The following GSTA2 variants were observed in gnomAD, a reference collection of about 807,000 sequenced individuals.
GSTA2 encodes glutathione S-transferase alpha 2.
In GSTA2, 27 loss-of-function variants were observed where a neutral mutation model predicts 22.4. The ratio of observed to expected loss-of-function variants is 1.21; its 90% CI spans 0.89 to 1.67. The LOEUF is 1.67. Among genes scored for constraint, GSTA2 ranks in the 40% most tolerant of loss-of-function variants. GSTA2 has a pLI of 0.00. For missense variants in GSTA2, 302 were observed against 260.2 expected, an observed-to-expected ratio of 1.16 and a Z score of -1.11; for synonymous variants, 121 against 86.8, an observed-to-expected ratio of 1.39 and a Z score of -2.19.
intron 1 of GSTA2, among the ~76,000 whole-genome samples, chr6:52,758,265 G>T (rs1044207979): frequency 6.6e-6 from 1 of 152,140 alleles, no homozygotes; most frequent in Non-Finnish European, 1.5e-5. Context: ...AGGAGTTAAT[G>T]GGAAGAGGAA....
rs781782570 is a variant in GSTA2 at position 52,755,018 on chromosome 6, A to C, written c.197T>G (p.Val66Gly). 1 of 1,614,120 alleles carries C rather than the reference A, an allele frequency of 6.2e-7. No individual in the cohort carries two copies. Among genetic ancestry groups the C allele is most frequent in the East Asian group, 2.2e-5 (1 of 44,880 alleles). ...PMVEIDGMKLVQTRAILNYIA... is the reference protein window; with the variant it reads ...PMVEIDGMKLGQTRAILNYIA... ...GTAGTTGAGAATGGCTCTGGTCTGC[A>C]CCAGCTTCATCCCATCAATCTCAAC... Residue 66 changes from valine (V) to glycine (G), a missense_variant, in exon 4 of 7, where the codon GTG (valine) becomes GGG (glycine). Physicochemically the swap from Val to Gly is moderately radical, Grantham distance 109 (BLOSUM62 -3). Coordinates refer to ENST00000493422, the MANE Select transcript of GSTA2 (RefSeq NM_000846.5).
Position 52,756,301 on chromosome 6 carries a change from C to A in GSTA2, c.96G>T (p.Glu32Asp). 6.2e-7 allele frequency: 1 copy of A among 1,601,774 alleles called. No homozygotes were observed. The highest frequency in any genetic ancestry group is 2.2e-5 in the East Asian group (1 of 44,786). ...AATCTTCTGCAGATTTTATAAATTT[C>A]TCTTCAAACTGGAAGCAGAAACAGT... ...LLAAAGVEFE[E>D]KFIKSAEDLD... is the part of the protein sequence containing the mutation. Residue 32 changes from glutamate to aspartate, a missense_variant, in exon 3 of 7, where the codon GAG becomes GAT. Transcript: ENST00000493422.
At chr6:52,752,630 G>A (rs1762764026) in intron 5 of GSTA2, among the ~76,000 whole-genome samples, 1 of 152,068 alleles carries the variant, frequency 6.6e-6, no homozygotes, top group Non-Finnish European at 1.5e-5. Flanking sequence ...TCCATATTGG[G>A]GTTCAGTAAA....
At chr6:52,756,548 T>G (rs1431255596) in intron 2 of GSTA2, among the ~76,000 whole-genome samples, 1 of 152,188 alleles carries the variant, frequency 6.6e-6, no homozygotes, top group African/African-American at 2.4e-5. Context: ...CACCTTGATA[T>G]GAATGTCTAT....
intron 1 of GSTA2, among the ~76,000 whole-genome samples, chr6:52,758,493 T>A (rs972706034): frequency 1.3e-5 from 2 of 152,074 alleles, no homozygotes; most frequent in African/African-American, 4.8e-5. Context: ...TAAAATGAAA[T>A]CATGCCTGGA....
At chr6:52,754,641 A>G (rs1188359010) in intron 4 of GSTA2, among the ~76,000 whole-genome samples, 1 of 152,080 alleles carries the variant, frequency 6.6e-6, no homozygotes, top group Non-Finnish European at 1.5e-5. Flanking sequence ...TGAAGTCCTG[A>G]GCACCTGGAA....
intron 1 of GSTA2, among the ~76,000 whole-genome samples, chr6:52,759,563 GTTTTTT>G (rs70977382): frequency 1.8e-4 from 6 of 34,194 alleles, no homozygotes; most frequent in African/African-American, 5.2e-4. Context: ...GTATTTATTT[GTTTTTT>G]TTTTTTTTTT....
chr6:52,757,548 T>G (rs1301277171), intron 2 of GSTA2, among the ~76,000 whole-genome samples: 1 of 152,196 alleles, frequency 6.6e-6, no homozygotes, highest in African/African-American at 2.4e-5. Flanking sequence ...TCCTCAAATA[T>G]TCAATCGATA....
intron 2 of GSTA2, among the ~76,000 whole-genome samples, chr6:52,757,329 C>T (rs1299434286): frequency 7.6e-6 from 1 of 131,564 alleles, no homozygotes; most frequent in Non-Finnish European, 1.6e-5. Context: ...TTATACTTCT[C>T]ACCTAGAATC....
In GSTA2 at chr6:52,757,867, T is replaced by C. The variant is rs201154224; in HGVS notation, c.81A>G (p.Gly27=). The C allele has an allele frequency of 3.7e-6, 6 of 1,613,010 alleles. No homozygotes were observed. In the Admixed American group the frequency reaches 1.0e-4, roughly 27 times the overall value. The change falls in exon 2 of 7, where the codon GGA becomes GGG. Residue 27 remains glycine (G), a synonymous_variant. Coordinates refer to ENST00000493422, the MANE Select transcript of GSTA2 (RefSeq NM_000846.5). ...GACCTAACTCAGAACCTACCTCTACTCCAGCTGCAGCCAGGAGCCACCGGA... is the reference window on the plus strand; with the variant it reads ...GACCTAACTCAGAACCTACCTCTACCCCAGCTGCAGCCAGGAGCCACCGGA... ...ESIRWLLAAA[G]VEFEEKFIKS...
At position 52,751,602 on chromosome 6, in the gene GSTA2, A is replaced by C. The variant is rs1471027011; in HGVS notation, c.521T>G (p.Leu174Arg). The C allele has an allele frequency of 6.8e-6, 11 of 1,613,992 alleles. No individual in the cohort carries two copies. Among genetic ancestry groups the C allele is most frequent in the East Asian group, 2.2e-5 (1 of 44,878 alleles). ...CTTCAGCAGAGGGAAGCTGGAAATA[A>C]GGCTAGAGTCAAGCTCTTCCACGTA... ...LYYVEELDSS[L>R]ISSFPLLKAL... Residue 174 changes from leucine (L) to arginine (R), a missense_variant, in exon 6 of 7, where the codon CTT becomes CGT. Coordinates refer to ENST00000493422, the MANE Select transcript of GSTA2 (RefSeq NM_000846.5).
chr6:52,761,960 C>A (rs1408923700), intron 1 of GSTA2, among the ~76,000 whole-genome samples: 1 of 150,522 alleles, frequency 6.6e-6, no homozygotes, highest in Non-Finnish European at 1.5e-5. Context: ...TGTAACCCTA[C>A]CCCCAGCCCT....
At chr6:52,761,691 G>A (rs1419538582) in intron 1 of GSTA2, among the ~76,000 whole-genome samples, 3 of 150,534 alleles carry the variant, frequency 2.0e-5, no homozygotes, top group Non-Finnish European at 2.9e-5. Context: ...ATGAGGTCAT[G>A]TAGTCCCATG....
At chr6:52,754,412 G>T (rs1333885116) in intron 4 of GSTA2, among the ~76,000 whole-genome samples, 1 of 152,144 alleles carries the variant, frequency 6.6e-6, no homozygotes, top group East Asian at 1.9e-4. Context: ...CTATCCATGT[G>T]TCAAGGTAAC....
At chr6:52,760,440 T>C (rs1762932289) in intron 1 of GSTA2, among the ~76,000 whole-genome samples, 1 of 152,158 alleles carries the variant, frequency 6.6e-6, no homozygotes, top group Admixed American at 6.6e-5. Flanking sequence ...TTGCCATGGG[T>C]CATACACACA....
chr6:52,752,995 C>T lies in GSTA2; in HGVS notation c.273G>A (p.Leu91=). The T allele has an allele frequency of 6.3e-7, 1 of 1,587,122 alleles. No homozygotes were observed. The highest frequency in any genetic ancestry group is 8.6e-7 in the Non-Finnish European group (1 of 1,168,250). The change falls in exon 5 of 7, where the codon CTG becomes CTA. Residue 91 remains leucine (L), a splice_region_variant and synonymous_variant. Coordinates refer to ENST00000493422, the MANE Select transcript of GSTA2 (RefSeq NM_000846.5). ...CTATACCTTCTATATACATATCAAT[C>T]CTGAAAGACAAAAACAACCAAATGG... The part of the protein sequence containing the change: ...LYGKDIKEKA[L]IDMYIEGIAD...
At chr6:52,752,783 G>T in intron 5 of GSTA2, 71 bp downstream of exon 5, 1 of 1,583,640 alleles carries the variant, frequency 6.3e-7, no homozygotes. Context: ...AGTGCCCCAG[G>T]AATGCCCAGC....
At chr6:52,755,729 G>A (rs1762830094) in intron 3 of GSTA2, among the ~76,000 whole-genome samples, 1 of 151,682 alleles carries the variant, frequency 6.6e-6, no homozygotes, top group Non-Finnish European at 1.5e-5. Context: ...AAAACAGGAT[G>A]TTCCCAGAGT....
chr6:52,751,810 C>T lies in GSTA2; in HGVS notation c.415-102G>A. 13 of 1,539,578 alleles carry T rather than the reference C, an allele frequency of 8.4e-6. 1 individual carries two copies. In the South Asian group the frequency reaches 1.5e-4, roughly 18 times the overall value. ...ACCCTGACTTTCCCCACCTCTGTTG[C>T]CTTACTGCATGGATGCAGAAATCCC... On this transcript the variant is annotated intron_variant, in intron 5 of 6. Coordinates refer to ENST00000493422, the MANE Select transcript of GSTA2 (RefSeq NM_000846.5).
Sources: gnomAD v4.1 joint callset for allele counts (sites outside exome capture counted in the v4.1 genomes callset) on GRCh38, gnomAD v4.1.1 for gene constraint, MANE v1.5 for transcripts, NCBI Gene and HGNC (gene_info 2026-07-23, HGNC 2026-07-21) for gene names.